The following B3GALT1 variants were observed in gnomAD, a reference collection of about 807,000 sequenced individuals.
B3GALT1 encodes UDP-Gal:betaGlcNAc beta 1,3-galactosyltransferase, polypeptide 1.
B3GALT1 carries 10 observed loss-of-function variants against 23.2 expected under a neutral mutation model. The observed-to-expected ratio is 0.43, with a 90% CI of 0.27 to 0.73. The LOEUF (loss-of-function observed/expected upper bound fraction) is 0.73, where lower values mean the gene tolerates loss of function less well. Among genes scored for constraint, B3GALT1 ranks in the 30% least tolerant of loss-of-function variants. The pLI is 0.21. For missense variants in B3GALT1, 299 were observed against 405.4 expected (o/e 0.74, Z 2.25); for synonymous variants, 156 against 141.5 (o/e 1.10, Z -0.73).
intron 4 of B3GALT1, among the ~76,000 whole-genome samples, chr2:167,862,316 G>A (rs1000675260): frequency 3.3e-5 from 5 of 152,246 alleles, no homozygotes; most frequent in Admixed American, 1.3e-4. Context: ...GTTGTAAATC[G>A]CAGTCTGAGC....
chr2:167,737,594 T>G (rs767079984), intron 3 of B3GALT1, among the ~76,000 whole-genome samples: 1 of 152,242 alleles, frequency 6.6e-6, no homozygotes, highest in Non-Finnish European at 1.5e-5. Flanking sequence ...AGCAACATTT[T>G]GCTTGAAGAA....
chr2:167,500,300 T>C (rs1225497987), intron 2 of B3GALT1, among the ~76,000 whole-genome samples: 1 of 152,176 alleles, frequency 6.6e-6, no homozygotes, highest in Non-Finnish European at 1.5e-5. Context: ...ATTTAGAAAT[T>C]ATTAAAATGC....
At chr2:167,315,553 T>C (rs1696702916) in intron 1 of B3GALT1, among the ~76,000 whole-genome samples, 1 of 152,116 alleles carries the variant, frequency 6.6e-6, no homozygotes, top group African/African-American at 2.4e-5. Context: ...GTCTGGAAAA[T>C]GGAAGTAGCA....
At chr2:167,802,971 A>G (rs1688666326) in intron 3 of B3GALT1, among the ~76,000 whole-genome samples, 1 of 152,156 alleles carries the variant, frequency 6.6e-6, no homozygotes, top group African/African-American at 2.4e-5. Context: ...TAGTACCTAC[A>G]CATGTGTTAT....
At chr2:167,661,342 T>C (rs1387201456) in intron 3 of B3GALT1, among the ~76,000 whole-genome samples, 3 of 152,042 alleles carry the variant, frequency 2.0e-5, no homozygotes, top group Admixed American at 6.6e-5. Flanking sequence ...AGTTACTCTT[T>C]GGAAAAGCCC....
intron 2 of B3GALT1, among the ~76,000 whole-genome samples, chr2:167,595,706 C>T (rs1301512386): frequency 6.6e-6 from 1 of 151,994 alleles, no homozygotes; most frequent in African/African-American, 2.4e-5. Flanking sequence ...ATTAATTCCA[C>T]CAAAATGAAA....
intron 1 of B3GALT1, among the ~76,000 whole-genome samples, chr2:167,454,857 A>G (rs1406405959): frequency 6.6e-6 from 1 of 152,132 alleles, no homozygotes; most frequent in Non-Finnish European, 1.5e-5. Context: ...TAACAAACAT[A>G]TATTGAATGC....
intron 1 of B3GALT1, among the ~76,000 whole-genome samples, chr2:167,344,478 G>A (rs1472036220): frequency 2.6e-5 from 4 of 151,888 alleles, no homozygotes; most frequent in African/African-American, 9.7e-5. Flanking sequence ...TGACACTTTG[G>A]GTAGATGAAT....
rs867363418 is a variant in B3GALT1, at chr2:167,690,623, T to C, written c.-352+43657T>C. On this transcript the variant is annotated intron_variant, in intron 3 of 4. Coordinates refer to ENST00000392690, the MANE Select transcript of B3GALT1 (RefSeq NM_020981.4). Reference sequence around the variant, plus strand: ...ATTTTCAAACAATTCTGTGTCTTATTTGATACCTTCGGCAATCATTTTTAA... The same window carrying C: ...ATTTTCAAACAATTCTGTGTCTTATCTGATACCTTCGGCAATCATTTTTAA... Among the ~76,000 whole-genome samples the C allele has an allele frequency of 3.9e-5, 6 of 152,170 alleles. No individual in the cohort carries two copies. The South Asian group carries it at 1.0e-3, about 26-fold the overall frequency.
intron 2 of B3GALT1, among the ~76,000 whole-genome samples, chr2:167,503,655 CCACT>C (rs1699878497): frequency 6.6e-6 from 1 of 152,072 alleles, no homozygotes; most frequent in Non-Finnish European, 1.5e-5. Context: ...ACTAAAATGC[CCACT>C]CAATTTCTCT....
At chr2:167,369,397 G>A (rs1697644748) in intron 1 of B3GALT1, among the ~76,000 whole-genome samples, 1 of 152,036 alleles carries the variant, frequency 6.6e-6, no homozygotes, top group Middle Eastern at 3.2e-3. Flanking sequence ...GCAGTATTTT[G>A]TATTTACTAG....
chr2:167,821,728 C>A (rs2105366352), intron 4 of B3GALT1, among the ~76,000 whole-genome samples: 1 of 147,156 alleles, frequency 6.8e-6, no homozygotes, highest in African/African-American at 2.5e-5. Context: ...AGCCACTGCA[C>A]CCAGCCTAGG....
chr2:167,427,135 A>G (rs989571653), intron 1 of B3GALT1, among the ~76,000 whole-genome samples: 1 of 152,226 alleles, frequency 6.6e-6, no homozygotes, highest in Non-Finnish European at 1.5e-5. Flanking sequence ...GCTCACAAAT[A>G]GGCAAAACTA....
At chr2:167,373,702 G>A (rs778908224) in intron 1 of B3GALT1, among the ~76,000 whole-genome samples, 9 of 152,160 alleles carry the variant, frequency 5.9e-5, no homozygotes, top group Non-Finnish European at 1.2e-4. Flanking sequence ...TGAGATTACA[G>A]GCATGTGCCA....
At chr2:167,745,519 G>A (rs1165076408) in intron 3 of B3GALT1, among the ~76,000 whole-genome samples, 1 of 152,072 alleles carries the variant, frequency 6.6e-6, no homozygotes, top group Non-Finnish European at 1.5e-5. Context: ...TATTTTTAAT[G>A]TAAATGCCTC....
At chr2:167,512,612 ATATATATACGTG>A (rs1456076009) in intron 2 of B3GALT1, among the ~76,000 whole-genome samples, 8 of 94,834 alleles carry the variant, frequency 8.4e-5, no homozygotes, top group African/African-American at 4.3e-4. Flanking sequence ...ATATATGTAT[ATATATATACGTG>A]TATATATATA....
intron 2 of B3GALT1, among the ~76,000 whole-genome samples, chr2:167,548,687 T>TGTGTGTGTGTGTGTGTGAGA (rs1558900835): frequency 2.4e-5 from 3 of 123,870 alleles, no homozygotes; most frequent in African/African-American, 8.6e-5. Flanking sequence ...TGTGTGTGAG[T>TGTGTGTGTGTGTGTGTGAGA]GTGTGTGTGT....
At chr2:167,524,209 G>T (rs1683183746) in intron 2 of B3GALT1, among the ~76,000 whole-genome samples, 2 of 151,970 alleles carry the variant, frequency 1.3e-5, no homozygotes, top group Admixed American at 1.3e-4. Context: ...CATGAGGTTG[G>T]ACATATTTTT....
At chr2:167,693,382 C>G (rs1372236795) in intron 3 of B3GALT1, among the ~76,000 whole-genome samples, 3 of 152,054 alleles carry the variant, frequency 2.0e-5, no homozygotes, top group Non-Finnish European at 2.9e-5. Context: ...GACCCTTGTG[C>G]TTTTCCCATT....
Sources: gnomAD v4.1 joint callset for allele counts (sites outside exome capture counted in the v4.1 genomes callset) on GRCh38, gnomAD v4.1.1 for gene constraint, MANE v1.5 for transcripts, NCBI Gene and HGNC (gene_info 2026-07-23, HGNC 2026-07-21) for gene names.